Variants in ZNF844 observed in about 807,000 individuals in gnomAD.
The protein encoded by ZNF844 is zinc finger protein 844.
A neutral mutation model predicts 11.4 loss-of-function variants in ZNF844; 11 were observed. The observed-to-expected ratio is 0.97, with a 90% CI of 0.61 to 1.60. The LOEUF (loss-of-function observed/expected upper bound fraction) is 1.60. Ranked by LOEUF, ZNF844 falls within the 40% of genes most tolerant of loss-of-function variation. The pLI is 0.00. For synonymous variants in ZNF844, 248 were observed against 260.3 expected (o/e 0.95, Z 0.46); for missense variants, 790 against 796.8 (o/e 0.99, Z 0.10).
chr19:12,066,192 C>T (rs1016199397), intron 1 of ZNF844, among the ~76,000 whole-genome samples: 8 of 152,042 alleles, frequency 5.3e-5, no homozygotes, highest in African/African-American at 1.9e-4. Flanking sequence ...CCCCAAAGTG[C>T]TGGGTTTACA....
Position 12,075,521 on chromosome 19 carries a change from A to G in ZNF844, c.401A>G (p.Gln134Arg), listed in dbSNP as rs747235607. ...ADTAHKPSEY[Q>R]EYGQEPYKCQ... ...ACTGCACACAAGCCGTCTGAGTATC[A>G]GGAATATGGACAGGAGCCATATAAG... The change falls in exon 4 of 4, where the codon CAG (glutamine) becomes CGG (arginine). Residue 134 changes from glutamine (Q) to arginine (R), a missense_variant. Gln to Arg is a conservative substitution (Grantham distance 43). Coordinates refer to ENST00000439326, the MANE Select transcript of ZNF844 (RefSeq NM_001136501.3). The G allele has an allele frequency of 3.7e-6, 6 of 1,613,808 alleles. No homozygotes were observed. The highest frequency in any genetic ancestry group is 5.1e-6 in the Non-Finnish European group (6 of 1,179,970).
rs2095314701 is a variant in ZNF844 at position 12,079,349 on chromosome 19, T to G, written c.*2228T>G. On this transcript the variant is annotated 3_prime_UTR_variant, in exon 4 of 4. Coordinates refer to ENST00000439326, the MANE Select transcript of ZNF844 (RefSeq NM_001136501.3). Reference sequence around the variant, plus strand: ...TGAAGCAATTCATACTATTAATATATGAGAGAAATCCTATTATAAGAAATT... The same window carrying G: ...TGAAGCAATTCATACTATTAATATAGGAGAGAAATCCTATTATAAGAAATT... 1 of 152,080 alleles carries G rather than the reference T, an allele frequency of 6.6e-6. No homozygotes were observed. Among genetic ancestry groups the G allele is most frequent in the African/African-American group, 2.4e-5 (1 of 41,400 alleles). 9.4% of individuals were successfully genotyped at this position (152,080 alleles called of 1,614,324 possible). A position where few individuals can be genotyped will look rare whatever the true frequency, so the allele number is the denominator to read the frequency against.
Position 12,077,167 on chromosome 19 carries a change from G to A in ZNF844, c.*46G>A, listed in dbSNP as rs1230819455. 1 of 1,601,860 alleles carries A rather than the reference G, an allele frequency of 6.2e-7. No individual in the cohort carries two copies. Among genetic ancestry groups the A allele is most frequent in the African/African-American group, 1.3e-5 (1 of 74,286 alleles). ...TGTGGCAAAGCCTTCACTTCTTCTG[G>A]TTCCTTTCAGTGTCATAAAAGGATT... is the stretch of plus-strand genomic sequence containing the variant. On this transcript the variant is annotated 3_prime_UTR_variant, in exon 4 of 4. Transcript: ENST00000439326.
At chr19:12,066,118 G>A (rs942870298) in intron 1 of ZNF844, among the ~76,000 whole-genome samples, 2 of 151,774 alleles carry the variant, frequency 1.3e-5, no homozygotes, top group African/African-American at 2.4e-5. Flanking sequence ...TAGAGATGGG[G>A]TTTCGCCATG....
rs55955397 is a variant in ZNF844, at chr19:12,079,648, G to GAA, written c.*2535_*2536dup. On this transcript the variant is annotated 3_prime_UTR_variant, in exon 4 of 4. Transcript: ENST00000439326. The stretch of plus-strand genomic sequence containing the variant: ...ACCCCAGCAGAGTGAGACTCCATCT[G>GAA]AAAAAAAAAGCAAGGGGCCGGCACG... 9 of 148,494 alleles carry GAA rather than the reference G, an allele frequency of 6.1e-5. No homozygotes were observed. The highest frequency in any genetic ancestry group is 1.7e-4 in the African/African-American group (7 of 40,416). 9.2% of individuals were successfully genotyped at this position (148,494 alleles called of 1,614,324 possible). A position where few individuals can be genotyped will look rare whatever the true frequency, so the allele number is the denominator to read the frequency against.
intron 3 of ZNF844, 43 bp from the exon 4 acceptor site, chr19:12,075,269 C>T: frequency 2.3e-6 from 3 of 1,314,202 alleles, no homozygotes; most frequent in Non-Finnish European, 2.9e-6. Context: ...CATCAAATCA[C>T]TTATAAACAA....
At position 12,077,671 on chromosome 19, in the gene ZNF844, C is replaced by T; in HGVS notation, c.*550C>T. The stretch of plus-strand genomic sequence containing the variant: ...TGTGGGAAAGCCTACAGATCTGTCT[C>T]ACAACTTCTGGTGCATGAAAGGACT... On this transcript the variant is annotated 3_prime_UTR_variant, in exon 4 of 4. Transcript: ENST00000439326. The T allele has an allele frequency of 5.9e-6, 3 of 511,806 alleles. No individual in the cohort carries two copies. Among genetic ancestry groups the T allele is most frequent in the Middle Eastern group, 3.3e-4 (1 of 3,018 alleles). 31.7% of individuals were successfully genotyped at this position (511,806 alleles called of 1,614,324 possible).
Position 12,080,780 on chromosome 19 carries a change from GTCTC to G in ZNF844, c.*3665_*3668del, listed in dbSNP as rs911121523. 4.6e-5 allele frequency: 7 copies of G among 152,196 alleles called. No homozygotes were observed. The highest frequency in any genetic ancestry group is 1.7e-4 in the African/African-American group (7 of 41,376). The allele number at this position is 152,196 out of a possible 1,614,324, so 9.4% of individuals were successfully genotyped here. On this transcript the variant is annotated 3_prime_UTR_variant, in exon 4 of 4. Transcript: ENST00000439326. ...TCTTTTTCTTTTTTTTTGAGACAAG[GTCTC>G]TCTCTGTCACCCAGGCTGGAGTAGA...
chr19:12,079,335 A>G lies in ZNF844; in HGVS notation c.*2214A>G, dbSNP rs1355368501. 6.6e-6 allele frequency: 1 copy of G among 152,194 alleles called. No individual in the cohort carries two copies. The highest frequency in any genetic ancestry group is 1.5e-5 in the Non-Finnish European group (1 of 68,044). 9.4% of individuals were successfully genotyped at this position (152,194 alleles called of 1,614,324 possible). A position where few individuals can be genotyped will look rare whatever the true frequency, so the allele number is the denominator to read the frequency against. On this transcript the variant is annotated 3_prime_UTR_variant, in exon 4 of 4. Transcript: ENST00000439326. ...CTTCATTCCTGAAATGAAGCAATTCATACTATTAATATATGAGAGAAATCC... is the reference window on the plus strand; with the variant it reads ...CTTCATTCCTGAAATGAAGCAATTCGTACTATTAATATATGAGAGAAATCC...
At chr19:12,073,895 G>C in intron 1 of ZNF844, 136 bp from the exon 2 acceptor site, 2 of 1,154,308 alleles carry the variant, frequency 1.7e-6, no homozygotes, top group Admixed American at 3.0e-5. Context: ...TAGACAGAGA[G>C]TAATGGGTCA....
chr19:12,077,650 G>T lies in ZNF844; in HGVS notation c.*529G>T. On this transcript the variant is annotated 3_prime_UTR_variant, in exon 4 of 4. Transcript: ENST00000439326. ...AAACCCTATGAATGTAAGCAATGTG[G>T]GAAAGCCTACAGATCTGTCTCACAA... 1 of 536,906 alleles carries T rather than the reference G, an allele frequency of 1.9e-6. No individual in the cohort carries two copies. 33.3% of individuals were successfully genotyped at this position (536,906 alleles called of 1,614,324 possible).
At chr19:12,073,393 C>A (rs544418062) in intron 1 of ZNF844, among the ~76,000 whole-genome samples, 1 of 151,886 alleles carries the variant, frequency 6.6e-6, no homozygotes, top group Non-Finnish European at 1.5e-5. Flanking sequence ...TGATCTCAAG[C>A]GATCCGCACG....
In ZNF844 at chr19:12,076,618, G is replaced by T; in HGVS notation, c.1498G>T (p.Glu500Ter). Residue 500 changes from glutamate (E) to a stop codon, truncating the protein, a stop_gained, in exon 4 of 4, where the codon GAG becomes TAG. Transcript: ENST00000439326. LOFTEE classifies it low-confidence loss of function (END_TRUNC). ...PFDIMKGLTL[E>*]RNPMSVSNVG... ...CGATATCATGAAAGGACTCACACTGGAGAGAAACCCTATGAGTGTAAGCAA... is the reference window on the plus strand; with the variant it reads ...CGATATCATGAAAGGACTCACACTGTAGAGAAACCCTATGAGTGTAAGCAA... 1 of 1,614,008 alleles carries T rather than the reference G, an allele frequency of 6.2e-7. No individual in the cohort carries two copies. Among genetic ancestry groups the T allele is most frequent in the Admixed American group, 1.7e-5 (1 of 59,986 alleles).
chr19:12,066,883 G>C (rs1975695023), intron 1 of ZNF844, among the ~76,000 whole-genome samples: 1 of 152,128 alleles, frequency 6.6e-6, no homozygotes, highest in Non-Finnish European at 1.5e-5. Context: ...AAGCCTAGGA[G>C]TAATTAAGGC....
In ZNF844 at chr19:12,075,309, C is replaced by T; in HGVS notation, c.192-3C>T. ...TCAATAATGTGTTTCTCATTTTTCA[C>T]AGAAGTCTTCTGGGAGAGAGAGTTG... On this transcript the variant is annotated splice_region_variant and splice_polypyrimidine_tract_variant and intron_variant, in intron 3 of 3. Transcript: ENST00000439326. 1 of 1,394,354 alleles carries T rather than the reference C, an allele frequency of 7.2e-7. No homozygotes were observed. The highest frequency in any genetic ancestry group is 2.7e-5 in the East Asian group (1 of 37,398). 86.4% of individuals were successfully genotyped at this position (1,394,354 alleles called of 1,614,324 possible). A position where few individuals can be genotyped will look rare whatever the true frequency, so the allele number is the denominator to read the frequency against.
At chr19:12,074,272 T>A in intron 2 of ZNF844, 89 bp from the exon 3 acceptor site, 1 of 1,520,136 alleles carries the variant, frequency 6.6e-7, no homozygotes, top group Non-Finnish European at 9.0e-7. Flanking sequence ...AAATGAGGTA[T>A]GGCTCTAATG....
Position 12,077,267 on chromosome 19 carries a change from TGAAAG to T in ZNF844, c.*149_*153del. The T allele has an allele frequency of 7.2e-7, 1 of 1,395,144 alleles. No homozygotes were observed. The highest frequency in any genetic ancestry group is 1.0e-6 in the Non-Finnish European group (1 of 984,542). The allele number at this position is 1,395,144 out of a possible 1,614,324, so 86.4% of individuals were successfully genotyped here. A position where few individuals can be genotyped will look rare whatever the true frequency, so the allele number is the denominator to read the frequency against. On this transcript the variant is annotated 3_prime_UTR_variant, in exon 4 of 4. Coordinates refer to ENST00000439326, the MANE Select transcript of ZNF844 (RefSeq NM_001136501.3). The stretch of plus-strand genomic sequence containing the variant: ...TTTCTTCCACTGCCATTCGTAGACA[TGAAAG>T]GACTCACACTGGAGAGAAACCCTAT...
chr19:12,072,118 C>T (rs1212382126), intron 1 of ZNF844, among the ~76,000 whole-genome samples: 1 of 152,062 alleles, frequency 6.6e-6, no homozygotes, highest in African/African-American at 2.4e-5. Flanking sequence ...AACTCCTGAC[C>T]TCGTGATCCA....
intron 1 of ZNF844, among the ~76,000 whole-genome samples, chr19:12,066,608 G>A (rs995778870): frequency 2.8e-5 from 4 of 141,960 alleles, no homozygotes; most frequent in Non-Finnish European, 6.0e-5. Context: ...GTGCAGTGAC[G>A]CGATCTCGGC....
Sources: gnomAD v4.1 joint callset for allele counts (sites outside exome capture counted in the v4.1 genomes callset) on GRCh38, gnomAD v4.1.1 for gene constraint, MANE v1.5 for transcripts, NCBI Gene and HGNC (gene_info 2026-07-23, HGNC 2026-07-21) for gene names.